SCARA5: variants seen among roughly 807,000 people sequenced by gnomAD.
SCARA5 encodes the protein scavenger receptor class A member 5.
In SCARA5, 45 loss-of-function variants were observed where a neutral mutation model predicts 46.3. The observed-to-expected ratio is 0.97, with a 90% confidence interval of 0.76 to 1.24. SCARA5 has a LOEUF of 1.24. Ranked by LOEUF, SCARA5 falls within the 50% of genes most tolerant of loss-of-function variation. The pLI, the probability that SCARA5 is intolerant of heterozygous loss-of-function variation, is 0.00. For synonymous variants in SCARA5, 333 were observed against 306.5 expected, an observed-to-expected ratio of 1.09 and a Z score of -0.90; for missense variants, 680 against 689.0, an observed-to-expected ratio of 0.99 and a Z score of 0.15.
intron 7 of SCARA5, among the ~76,000 whole-genome samples, chr8:27,883,414 T>C (rs1467532085): frequency 6.6e-6 from 1 of 152,196 alleles, no homozygotes; most frequent in Non-Finnish European, 1.5e-5. Flanking sequence ...CCCACTACTC[T>C]TGGGGGCTAT....
chr8:27,907,337 C>A, intron 5 of SCARA5, 91 bp from the exon 6 acceptor site: 1 of 821,586 alleles, frequency 1.2e-6, no homozygotes, highest in Non-Finnish European at 2.0e-6. Flanking sequence ...TCAGCCTCCC[C>A]CATGCATCCT....
chr8:27,961,713 G>A (rs1808297240), intron 3 of SCARA5, among the ~76,000 whole-genome samples: 1 of 152,100 alleles, frequency 6.6e-6, no homozygotes, highest in Non-Finnish European at 1.5e-5. Flanking sequence ...GGTCCTGCCT[G>A]TCTCAATATT....
rs1044383847 is a variant in SCARA5, at chr8:27,922,127, G to C, written c.360C>G (p.Asp120Glu). ...GCACCTTCCACACCTGCTCCGTCAGGTCCGCTTGCAGCGGAGCCTGCAGCA... is the reference window on the plus strand; with the variant it reads ...GCACCTTCCACACCTGCTCCGTCAGCTCCGCTTGCAGCGGAGCCTGCAGCA... ...LRLLQAPLQA[D>E]LTEQVWKVQD... The change falls in exon 4 of 9, where the codon GAC (aspartate) becomes GAG (glutamate). Residue 120 changes from aspartate to glutamate, a missense_variant. Asp to Glu is a conservative substitution (Grantham distance 45). Around this residue, in one of 3 missense-constraint regions of SCARA5, gnomAD observed 438 missense variants for 384.5 expected, o/e 1.14. Coordinates refer to ENST00000354914, the MANE Select transcript of SCARA5 (RefSeq NM_173833.6). 3 of 1,606,850 alleles carry C rather than the reference G, an allele frequency of 1.9e-6. No homozygotes were observed. The African/African-American group carries it at 4.0e-5, about 21-fold the overall frequency.
At chr8:27,880,878 T>G (rs375434047) in intron 7 of SCARA5, among the ~76,000 whole-genome samples, 55 of 69,466 alleles carry the variant, frequency 7.9e-4, no homozygotes, top group Middle Eastern at 0.018. Context: ...AAAAAAAAAG[T>G]GGGCAGGAGA....
Position 27,966,145 on chromosome 8 carries a change from C to T in SCARA5, c.241+269G>A, listed in dbSNP as rs905690414. ...GGGAGGCCCAGTGTAATGCACAATGCCCCACAATGATGCAGGAAAAGTCAG... is the reference window on the plus strand; with the variant it reads ...GGGAGGCCCAGTGTAATGCACAATGTCCCACAATGATGCAGGAAAAGTCAG... On this transcript the variant is annotated intron_variant, in intron 3 of 8. Coordinates refer to ENST00000354914, the MANE Select transcript of SCARA5 (RefSeq NM_173833.6). Among the ~76,000 whole-genome samples the T allele has an allele frequency of 6.6e-5, 10 of 152,302 alleles. No homozygotes were observed. In the East Asian group the frequency reaches 1.7e-3, roughly 26 times the overall value.
intron 4 of SCARA5, among the ~76,000 whole-genome samples, chr8:27,916,683 A>G (rs1041338875): frequency 6.6e-6 from 1 of 152,188 alleles, no homozygotes; most frequent in Non-Finnish European, 1.5e-5. Flanking sequence ...GTTCAGATAT[A>G]CCAGCAGGAA....
At chr8:27,953,988 A>G (rs975886865) in intron 3 of SCARA5, among the ~76,000 whole-genome samples, 9 of 152,120 alleles carry the variant, frequency 5.9e-5, no homozygotes, top group Non-Finnish European at 1.2e-4. Flanking sequence ...GGAGCCTCTG[A>G]TGCAGGTCCC....
chr8:27,879,499 T>C, intron 8 of SCARA5, 70 bp downstream of exon 8: 1 of 1,470,874 alleles, frequency 6.8e-7, no homozygotes, highest in East Asian at 2.3e-5. Context: ...GGACTCGGGC[T>C]TTGGAGGTGA....
intron 4 of SCARA5, among the ~76,000 whole-genome samples, chr8:27,910,891 G>A (rs1563522031): frequency 6.6e-6 from 1 of 152,198 alleles, no homozygotes; most frequent in Non-Finnish European, 1.5e-5. Context: ...ATACATGATT[G>A]GATACAGTCC....
chr8:27,972,351 CAAAAAAAAACAAA>C (rs1585521344), intron 2 of SCARA5, among the ~76,000 whole-genome samples: 1 of 146,024 alleles, frequency 6.8e-6, no homozygotes, highest in Non-Finnish European at 1.5e-5. Context: ...AAAAACAAAA[CAAAAAAAAACAAA>C]AAAAGTAGAC....
At chr8:27,930,737 G>A (rs1024809656) in intron 3 of SCARA5, among the ~76,000 whole-genome samples, 2 of 152,176 alleles carry the variant, frequency 1.3e-5, no homozygotes, top group Admixed American at 6.6e-5. Context: ...CCAGTCTTGG[G>A]TATGTCTTTA....
At chr8:27,896,420 C>G (rs1585470921) in intron 7 of SCARA5, among the ~76,000 whole-genome samples, 2 of 152,156 alleles carry the variant, frequency 1.3e-5, no homozygotes, top group African/African-American at 4.8e-5. Context: ...CACCATAAAT[C>G]CTCAAAGGTC....
intron 3 of SCARA5, among the ~76,000 whole-genome samples, chr8:27,947,212 G>T (rs377018418): frequency 6.6e-6 from 1 of 152,044 alleles, no homozygotes; most frequent in Admixed American, 6.6e-5. Context: ...GGGTTTCGCC[G>T]TGTTGGCCAG....
Position 27,871,772 on chromosome 8 carries a change from A to G in SCARA5, c.*162T>C. ...TTCGGAGCACATGTTCAAGAGGGAA[A>G]TGACGACCGGCCCCCACGGTCCTGG... On this transcript the variant is annotated 3_prime_UTR_variant, in exon 9 of 9. Transcript: ENST00000354914. The G allele has an allele frequency of 6.8e-7, 1 of 1,460,684 alleles. No homozygotes were observed. The highest frequency in any genetic ancestry group is 9.0e-7 in the Non-Finnish European group (1 of 1,108,760). The allele number at this position is 1,460,684 out of a possible 1,614,324, so 90.5% of individuals were successfully genotyped here. A position where few individuals can be genotyped will look rare whatever the true frequency, so the allele number is the denominator to read the frequency against.
At chr8:27,985,810 T>C (rs578027698) in intron 2 of SCARA5, among the ~76,000 whole-genome samples, 3 of 152,338 alleles carry the variant, frequency 2.0e-5, no homozygotes, top group East Asian at 3.9e-4. Context: ...ATGGCTAGCA[T>C]GGCTCCCAAA....
intron 3 of SCARA5, among the ~76,000 whole-genome samples, chr8:27,943,642 G>A (rs1291978458): frequency 1.3e-5 from 2 of 152,146 alleles, no homozygotes; most frequent in South Asian, 2.1e-4. Flanking sequence ...CATTGACTAC[G>A]GAGTTAGGAA....
intron 8 of SCARA5, among the ~76,000 whole-genome samples, chr8:27,876,454 T>G (rs1020194646): frequency 6.6e-6 from 1 of 152,014 alleles, no homozygotes; most frequent in African/African-American, 2.4e-5. Flanking sequence ...GGGACCAACC[T>G]GATGTGGGGA....
intron 3 of SCARA5, among the ~76,000 whole-genome samples, chr8:27,947,894 ACTGT>A (rs1264401697): frequency 6.6e-6 from 1 of 151,952 alleles, no homozygotes; most frequent in African/African-American, 2.4e-5. Context: ...ATAGACAAAC[ACTGT>A]CTGATTCCAC....
At chr8:27,922,571 G>A (rs12681541) in intron 3 of SCARA5, among the ~76,000 whole-genome samples, 2,604 of 152,308 alleles carry the variant, frequency 0.017, 57 homozygotes, top group East Asian at 0.092. Context: ...TTTGTGAGCT[G>A]CTGTTCTAGT....
Sources: allele counts gnomAD v4.1 joint callset (sites outside exome capture counted in the v4.1 genomes callset), GRCh38; gene constraint gnomAD v4.1.1; regional missense constraint gnomAD v4.1.1; transcripts MANE v1.5; gene names NCBI Gene and HGNC (gene_info 2026-07-23, HGNC 2026-07-21).